RBFOX1: variants seen among roughly 807,000 people sequenced by gnomAD.
RBFOX1 encodes RNA binding protein fox-1 homolog 1.
Under a neutral mutation model 57.7 loss-of-function variants are expected in RBFOX1, and 8 were observed. The ratio of observed to expected loss-of-function variants is 0.14; its 90% CI spans 0.08 to 0.25. RBFOX1 has a LOEUF of 0.25. RBFOX1 is among the 10% of genes least tolerant of loss of function. The pLI, the probability that RBFOX1 is intolerant of heterozygous loss-of-function variation, is 1.00. For missense variants in RBFOX1, 611 were observed against 548.5 expected, an observed-to-expected ratio of 1.11 and a Z score of -1.14; for synonymous variants, 326 against 222.4, an observed-to-expected ratio of 1.47 and a Z score of -4.15.
intron 2 of RBFOX1, among the ~76,000 whole-genome samples, chr16:6,517,069 G>T (rs1306206990): frequency 6.6e-6 from 1 of 152,094 alleles, no homozygotes; most frequent in Non-Finnish European, 1.5e-5. Flanking sequence ...AAATATAGAG[G>T]TGGAAGGCAT....
chr16:7,702,998 G>A (rs1210555429), intron 14 of RBFOX1, among the ~76,000 whole-genome samples: 1 of 152,176 alleles, frequency 6.6e-6, no homozygotes, highest in Non-Finnish European at 1.5e-5. Context: ...CCCAACCAGG[G>A]GGGTAGACAG....
At chr16:6,663,911 C>T (rs2098716389) in intron 3 of RBFOX1, among the ~76,000 whole-genome samples, 1 of 152,144 alleles carries the variant, frequency 6.6e-6, no homozygotes, top group African/African-American at 2.4e-5. Flanking sequence ...GGGGCTCAGG[C>T]AGCAGTGGGA....
chr16:5,758,195 T>C (rs545425700), intron 3 of RBFOX1, among the ~76,000 whole-genome samples: 1 of 152,366 alleles, frequency 6.6e-6, no homozygotes, highest in Admixed American at 6.5e-5. Context: ...ATTGGCTTTT[T>C]AACAAATGAT....
intron 4 of RBFOX1, among the ~76,000 whole-genome samples, chr16:7,367,963 A>T (rs975111146): frequency 6.6e-6 from 1 of 152,062 alleles, no homozygotes; most frequent in Admixed American, 6.5e-5. Flanking sequence ...TCACCAGTTT[A>T]TAATCTTTAC....
chr16:7,332,831 C>G (rs967460413), intron 4 of RBFOX1: 8 of 1,432,564 alleles, frequency 5.6e-6, no homozygotes, highest in Middle Eastern at 5.2e-4. Flanking sequence ...TTAAGAGTTG[C>G]TGATGCGGAT....
At chr16:7,409,219 T>C (rs1381997384) in intron 4 of RBFOX1, among the ~76,000 whole-genome samples, 4 of 152,202 alleles carry the variant, frequency 2.6e-5, no homozygotes. Context: ...AGAATCTCTC[T>C]GATGTGGTCT....
intron 4 of RBFOX1, among the ~76,000 whole-genome samples, chr16:7,228,907 G>A (rs1188544608): frequency 6.6e-6 from 1 of 152,168 alleles, no homozygotes; most frequent in Admixed American, 6.5e-5. Flanking sequence ...TTTTGAGAGA[G>A]AAGAAGATGG....
In RBFOX1 at chr16:5,875,276, T is replaced by C. The variant is rs1169853564; in HGVS notation, c.351+7941T>C. Among the ~76,000 whole-genome samples the C allele has an allele frequency of 2.0e-5, 3 of 152,180 alleles. No individual in the cohort carries two copies. In the East Asian group the frequency reaches 5.8e-4, roughly 29 times the overall value. Reference sequence around the variant, plus strand: ...CTGAGATGTGGAGAAGTGGTGTAGGTTGGCCAAACTTACTCAAAAATAGTG... The same window carrying C: ...CTGAGATGTGGAGAAGTGGTGTAGGCTGGCCAAACTTACTCAAAAATAGTG... On this transcript the variant is annotated intron_variant, in intron 4 of 19. Transcript: ENST00000641259.
chr16:6,179,920 G>A, intron 1 of RBFOX1, among the ~76,000 whole-genome samples: 1 of 152,152 alleles, frequency 6.6e-6, no homozygotes, highest in East Asian at 1.9e-4. Context: ...TTGTGAGGGT[G>A]TATTTTGTCA....
intron 3 of RBFOX1, among the ~76,000 whole-genome samples, chr16:5,825,706 A>G (rs1201828375): frequency 6.6e-6 from 1 of 152,112 alleles, no homozygotes; most frequent in African/African-American, 2.4e-5. Flanking sequence ...CCTCATACCT[A>G]TTAAGCAATC....
chr16:5,864,986 G>A (rs1457220063), intron 3 of RBFOX1, among the ~76,000 whole-genome samples: 3 of 152,140 alleles, frequency 2.0e-5, no homozygotes, highest in Admixed American at 2.0e-4. Context: ...GCCTTTTTAT[G>A]TTTGTATTTC....
intron 4 of RBFOX1, among the ~76,000 whole-genome samples, chr16:7,373,063 C>A (rs759368807): frequency 2.0e-5 from 3 of 151,954 alleles, no homozygotes; most frequent in Non-Finnish European, 4.4e-5. Context: ...TCCCGAGTAG[C>A]TGGGACTACA....
chr16:5,882,353 G>T (rs952249626), intron 4 of RBFOX1, among the ~76,000 whole-genome samples: 1 of 152,118 alleles, frequency 6.6e-6, no homozygotes, highest in Non-Finnish European at 1.5e-5. Context: ...CAAAGCCTGC[G>T]GATGAGCAAT....
intron 5 of RBFOX1, among the ~76,000 whole-genome samples, chr16:7,529,990 C>G (rs1396647752): frequency 8.2e-6 from 1 of 121,692 alleles, no homozygotes; most frequent in Non-Finnish European, 1.6e-5. Context: ...GCCTGGAAAA[C>G]AGAGTCAGAC....
intron 1 of RBFOX1, among the ~76,000 whole-genome samples, chr16:6,260,551 A>T (rs961049349): frequency 6.6e-6 from 1 of 152,190 alleles, no homozygotes; most frequent in Non-Finnish European, 1.5e-5. Flanking sequence ...TTTTAATTAA[A>T]TATCTGTATT....
intron 4 of RBFOX1, among the ~76,000 whole-genome samples, chr16:7,381,420 T>G (rs1212076023): frequency 2.6e-5 from 4 of 152,214 alleles, no homozygotes; most frequent in Non-Finnish European, 5.9e-5. Context: ...TTCCTACTCT[T>G]CCTTTCTGAA....
chr16:5,487,227 G>C (rs765115892), intron 2 of RBFOX1, among the ~76,000 whole-genome samples: 2 of 152,206 alleles, frequency 1.3e-5, no homozygotes, highest in Non-Finnish European at 2.9e-5. Flanking sequence ...TATTGTCCAA[G>C]TGCCCTACTG....
intron 4 of RBFOX1, among the ~76,000 whole-genome samples, chr16:7,341,796 T>G (rs186094488): frequency 1.2e-5 from 1 of 83,548 alleles, no homozygotes; most frequent in Non-Finnish European, 2.4e-5. Context: ...CCTTCCTTCC[T>G]TCCTTCCTTC....
At chr16:6,628,326 C>G (rs1285659855) in intron 2 of RBFOX1, among the ~76,000 whole-genome samples, 1 of 152,156 alleles carries the variant, frequency 6.6e-6, no homozygotes, top group Non-Finnish European at 1.5e-5. Context: ...CGGTATCTTC[C>G]TAAACCTAGA....
Sources: gnomAD v4.1 joint callset for allele counts (sites outside exome capture counted in the v4.1 genomes callset) on GRCh38, gnomAD v4.1.1 for gene constraint, MANE v1.5 for transcripts, NCBI Gene and HGNC (gene_info 2026-07-23, HGNC 2026-07-21) for gene names.